The following ABCC3 variants were observed in gnomAD, a reference collection of about 807,000 sequenced individuals.
ABCC3 encodes the protein ATP-binding cassette sub-family C member 3.
ABCC3 carries 121 observed loss-of-function variants against 165.3 expected under a neutral mutation model. The observed-to-expected ratio is 0.73, with a 90% confidence interval of 0.63 to 0.85. The LOEUF is 0.85. Among genes scored for constraint, ABCC3 ranks in the 40% least tolerant of loss-of-function variants. The pLI, the probability that ABCC3 is intolerant of heterozygous loss-of-function variation, is 0.00. For missense variants in ABCC3, 1,869 were observed against 1,964.1 expected (o/e 0.95, Z 0.92); for synonymous variants, 733 against 810.1 (o/e 0.90, Z 1.62).
chr17:50,680,553 T>C (rs752814104), intron 26 of ABCC3, among the ~76,000 whole-genome samples: 2 of 152,180 alleles, frequency 1.3e-5, no homozygotes, highest in African/African-American at 2.4e-5. Flanking sequence ...CACAGCAGTC[T>C]GCCTTCACTG....
At chr17:50,689,391 C>T (rs1968078637) in intron 30 of ABCC3, among the ~76,000 whole-genome samples, 1 of 152,056 alleles carries the variant, frequency 6.6e-6, no homozygotes. Flanking sequence ...TGCTGGAGGT[C>T]GAGGAGAGAG....
intron 28 of ABCC3, among the ~76,000 whole-genome samples, chr17:50,684,372 C>T (rs960421707): frequency 1.3e-5 from 2 of 152,176 alleles, no homozygotes; most frequent in Non-Finnish European, 2.9e-5. Context: ...CCCCTTCCCC[C>T]GAGACATTCT....
chr17:50,638,762 C>G (rs993140823), intron 1 of ABCC3, among the ~76,000 whole-genome samples: 5 of 152,190 alleles, frequency 3.3e-5, no homozygotes, highest in Non-Finnish European at 7.3e-5. Context: ...CTTGGAGGCT[C>G]AGCTCCCTGT....
chr17:50,673,782 CTG>C lies in ABCC3; in HGVS notation c.2599+129_2599+130del. The C allele has an allele frequency of 9.5e-6, 9 of 945,886 alleles. No individual in the cohort carries two copies. The South Asian group carries it at 1.3e-4, about 14-fold the overall frequency. 58.6% of individuals were successfully genotyped at this position (945,886 alleles called of 1,614,324 possible). A position where few individuals can be genotyped will look rare whatever the true frequency, so the allele number is the denominator to read the frequency against. On this transcript the variant is annotated intron_variant, in intron 19 of 30. Transcript: ENST00000285238. ...GCAGGTTCTGGGAAACTTGGGCCAT[CTG>C]TGTGACAGTCACCAGAGGTAAAGTA... is the stretch of plus-strand genomic sequence containing the variant.
Position 50,669,468 on chromosome 17 carries a change from T to C in ABCC3, c.2181T>C (p.Cys727=), listed in dbSNP as rs1377602712. 2 of 1,614,246 alleles carry C rather than the reference T, an allele frequency of 1.2e-6. No individual in the cohort carries two copies. The highest frequency in any genetic ancestry group is 2.7e-5 in the African/African-American group (2 of 75,070). Residue 727 remains cysteine (C), a synonymous_variant, in exon 17 of 31, where the codon TGT becomes TGC. Coordinates refer to ENST00000285238, the MANE Select transcript of ABCC3 (RefSeq NM_003786.4). ...PKRYQQTLEA[C]ALLADLEMLP... ...GCTACCAGCAGACTCTGGAGGCCTG[T>C]GCCTTGCTAGCTGACCTGGAGATGC...
intron 1 of ABCC3, among the ~76,000 whole-genome samples, chr17:50,649,463 G>A (rs1422954339): frequency 1.3e-5 from 2 of 152,112 alleles, no homozygotes; most frequent in African/African-American, 4.8e-5. Flanking sequence ...AGACTTGGCT[G>A]CTTATTGTAA....
Position 50,668,926 on chromosome 17 carries a change from G to A in ABCC3, c.1937+7G>A, listed in dbSNP as rs924485796. ...TGCCCCCCACTCTGCACAGGTACCA[G>A]CTTCTCCCACTCCCTTCCCAGCTGC... On this transcript the variant is annotated splice_region_variant and intron_variant, in intron 15 of 30. Transcript: ENST00000285238. 2 of 1,613,924 alleles carry A rather than the reference G, an allele frequency of 1.2e-6. No individual in the cohort carries two copies. The highest frequency in any genetic ancestry group is 1.7e-6 in the Non-Finnish European group (2 of 1,179,830).
rs78689334 is a variant in ABCC3, at chr17:50,641,994, G to GA, written c.45+7028dup. Among the ~76,000 whole-genome samples the GA allele has an allele frequency of 4.6e-3, 646 of 140,704 alleles. 3 individuals carry two copies. Among genetic ancestry groups the GA allele is most frequent in the African/African-American group, 0.01 (389 of 38,608 alleles). The allele number at this position is 140,704 out of a possible 152,430, so 92.3% of individuals were successfully genotyped here. ...CCCAAGAGGTCAAGATTACAGTGGG[G>GA]AAAAAAAAAAAAAAAGAACAGTTGA... On this transcript the variant is annotated intron_variant, in intron 1 of 30. Coordinates refer to ENST00000285238, the MANE Select transcript of ABCC3 (RefSeq NM_003786.4).
chr17:50,653,199 A>T (rs1163400128), intron 1 of ABCC3, among the ~76,000 whole-genome samples: 1 of 151,290 alleles, frequency 6.6e-6, no homozygotes, highest in Non-Finnish European at 1.5e-5. Context: ...TACAAAAATT[A>T]GTCAGGCATG....
At position 50,646,983 on chromosome 17, in the gene ABCC3, G is replaced by GTTC. The variant is rs1195898679; in HGVS notation, c.46-8848_46-8846dup. 2.6e-4 allele frequency among the ~76,000 whole-genome samples: 39 copies of GTTC among 152,124 alleles called. 1 individual carries two copies. The highest frequency in any genetic ancestry group is 2.0e-3 in the Admixed American group (30 of 15,260). ...AACCTCCGCCTCCCGGGTTCAAACA[G>GTTC]TTCACCTGCCTCAGCCTCCCGAGTA... On this transcript the variant is annotated intron_variant, in intron 1 of 30. Coordinates refer to ENST00000285238, the MANE Select transcript of ABCC3 (RefSeq NM_003786.4).
At chr17:50,669,907 C>T (rs893891090) in intron 17 of ABCC3, among the ~76,000 whole-genome samples, 2 of 152,074 alleles carry the variant, frequency 1.3e-5, no homozygotes, top group Non-Finnish European at 2.9e-5. Context: ...GTGATCCTCT[C>T]GCCTCAGCCT....
intron 5 of ABCC3, 85 bp downstream of exon 5, chr17:50,658,292 C>A: frequency 6.2e-7 from 1 of 1,603,586 alleles, no homozygotes; most frequent in East Asian, 2.2e-5. Flanking sequence ...CCTCCAGTTC[C>A]TTTCAAAGTG....
chr17:50,656,757 A>G lies in ABCC3; in HGVS notation c.278A>G (p.His93Arg), dbSNP rs757664905. The G allele has an allele frequency of 6.2e-6, 10 of 1,613,674 alleles. No homozygotes were observed. The highest frequency in any genetic ancestry group is 1.3e-5 in the African/African-American group (1 of 74,842). The change falls in exon 3 of 31, where the codon CAT becomes CGT. Residue 93 changes from histidine (H) to arginine (R), a missense_variant. Physicochemically the swap from His to Arg is conservative, Grantham distance 29. Transcript: ENST00000285238. ...TGGGCGGACCTTTTTTACTCCTTCC[A>G]TGGCCTGGTCCATGGCCGGGCCCCT... Reference protein sequence around the residue: ...VSWADLFYSFHGLVHGRAPAP... With the variant: ...VSWADLFYSFRGLVHGRAPAP...
In ABCC3 at chr17:50,673,646, G is replaced by T. The variant is rs750617359; in HGVS notation, c.2587G>T (p.Asp863Tyr). 2 of 1,614,166 alleles carry T rather than the reference G, an allele frequency of 1.2e-6. No homozygotes were observed. The highest frequency in any genetic ancestry group is 2.2e-5 in the South Asian group (2 of 91,082). ...CGATGAGGACCAAGGGCACCTGGAGGACAGCTGGACCGGTATCTGCCATCC... is the reference window on the plus strand; with the variant it reads ...CGATGAGGACCAAGGGCACCTGGAGTACAGCTGGACCGGTATCTGCCATCC... ...APDEDQGHLE[D>Y]SWTALEGAED... Residue 863 changes from aspartate (D) to tyrosine (Y), a missense_variant, in exon 19 of 31, where the codon GAC (aspartate) becomes TAC (tyrosine). Physicochemically the swap from Asp to Tyr is radical, Grantham distance 160 (BLOSUM62 -3). Coordinates refer to ENST00000285238, the MANE Select transcript of ABCC3 (RefSeq NM_003786.4).
At chr17:50,660,221 A>G (rs554636007) in intron 7 of ABCC3, among the ~76,000 whole-genome samples, 52 of 152,162 alleles carry the variant, frequency 3.4e-4, no homozygotes, top group Admixed American at 2.9e-3. Context: ...GCTGAATGAG[A>G]TGATCTTCCC....
chr17:50,691,428 C>T lies in ABCC3; in HGVS notation c.*228C>T. On this transcript the variant is annotated 3_prime_UTR_variant, in exon 31 of 31. Transcript: ENST00000285238. Reference sequence around the variant, plus strand: ...TCACAGCTAGTTTGAGCCAGTTAGACTAGTCCCCGGTCTCCCGATTCCCAA... The same window carrying T: ...TCACAGCTAGTTTGAGCCAGTTAGATTAGTCCCCGGTCTCCCGATTCCCAA... 2.1e-6 allele frequency: 1 copy of T among 481,696 alleles called. No individual in the cohort carries two copies. Among genetic ancestry groups the T allele is most frequent in the Non-Finnish European group, 3.8e-6 (1 of 263,070 alleles). 29.8% of individuals were successfully genotyped at this position (481,696 alleles called of 1,614,324 possible).
At position 50,692,131 on chromosome 17, in the gene ABCC3, C is replaced by G. The variant is rs1968134392; in HGVS notation, c.*931C>G. The G allele has an allele frequency of 6.6e-6, 1 of 152,280 alleles. No individual in the cohort carries two copies. The highest frequency in any genetic ancestry group is 1.5e-5 in the Non-Finnish European group (1 of 68,094). The allele number at this position is 152,280 out of a possible 1,614,324, so 9.4% of individuals were successfully genotyped here. ...TTCATTTTCCTCAGTCTAGCCAAAGCTGAATGTGTGAGCACAAAGAAGCCG... is the reference window on the plus strand; with the variant it reads ...TTCATTTTCCTCAGTCTAGCCAAAGGTGAATGTGTGAGCACAAAGAAGCCG... On this transcript the variant is annotated 3_prime_UTR_variant, in exon 31 of 31. Coordinates refer to ENST00000285238, the MANE Select transcript of ABCC3 (RefSeq NM_003786.4).
intron 4 of ABCC3, 125 bp downstream of exon 4, chr17:50,657,308 T>A (rs998068594): frequency 7.8e-7 from 1 of 1,284,296 alleles, no homozygotes; most frequent in African/African-American, 1.5e-5. Flanking sequence ...ACAATTGTGT[T>A]GTTCTCCACT....
intron 17 of ABCC3, among the ~76,000 whole-genome samples, chr17:50,671,876 T>C (rs1224455857): frequency 6.6e-6 from 1 of 151,778 alleles, no homozygotes; most frequent in Non-Finnish European, 1.5e-5. Flanking sequence ...CGCACGCAAC[T>C]ACAGCCCGAC....
Sources: allele counts gnomAD v4.1 joint callset (sites outside exome capture counted in the v4.1 genomes callset), GRCh38; gene constraint gnomAD v4.1.1; transcripts MANE v1.5; gene names NCBI Gene and HGNC (gene_info 2026-07-23, HGNC 2026-07-21).